The following TIMM44 variants were observed in gnomAD, a reference collection of about 807,000 sequenced individuals.
TIMM44 encodes translocase of inner mitochondrial membrane 44, also known as mitochondrial import inner membrane translocase subunit TIM44.
Under a neutral mutation model 63.8 loss-of-function variants are expected in TIMM44, and 37 were observed. The ratio of observed to expected loss-of-function variants is 0.58; its 90% CI spans 0.45 to 0.76. TIMM44 has a LOEUF of 0.76. Ranked by LOEUF, TIMM44 falls within the 30% of genes least tolerant of loss-of-function variation. The pLI is 0.00. For missense variants in TIMM44, 573 were observed against 603.8 expected, an observed-to-expected ratio of 0.95 and a Z score of 0.54; for synonymous variants, 239 against 245.1, an observed-to-expected ratio of 0.98 and a Z score of 0.23.
chr19:7,928,432 C>A (rs1009326242), intron 10 of TIMM44: 5 of 505,242 alleles, frequency 9.9e-6, no homozygotes, highest in African/African-American at 1.9e-5. Context: ...TCTCTTGGAA[C>A]AAAATCCCAA....
chr19:7,933,905 CGCAAACTCCGTTCTCTTCCGGAG>C lies in TIMM44; in HGVS notation c.619_641del (p.Leu207GlyfsTer3). 1 of 1,614,194 alleles carries C rather than the reference CGCAAACTCCGTTCTCTTCCGGAG, an allele frequency of 6.2e-7. No homozygotes were observed. The highest frequency in any genetic ancestry group is 1.3e-5 in the African/African-American group (1 of 75,052). The stretch of plus-strand genomic sequence containing the variant: ...CTTTCTCCTCCTTGAACTTATCTCC[CGCAAACTCCGTTCTCTTCCGGAG>C]TCGCTGGGGCCTCCGGTAGGGCCCG... On this transcript the variant is annotated frameshift_variant, in exon 6 of 13. Coordinates refer to ENST00000270538, the MANE Select transcript of TIMM44 (RefSeq NM_006351.4). LOFTEE classifies it high-confidence loss of function. The surrounding 1 kb of genome is among the most constrained non-coding windows in gnomAD (Gnocchi z 4.3).
At position 7,932,491 on chromosome 19, in the gene TIMM44, G is replaced by A. The variant is rs543819616; in HGVS notation, c.987+136C>T. 6.5e-3 allele frequency: 8,267 copies of A among 1,280,516 alleles called. 46 individuals carry two copies. Among genetic ancestry groups the A allele is most frequent in the Non-Finnish European group, 7.3e-3 (6,670 of 914,286 alleles). 79.3% of individuals were successfully genotyped at this position (1,280,516 alleles called of 1,614,324 possible). ...GGCAGCTGCAGCCGGGCAGGAGCCC[G>A]TGTGCAACCAGCCTCCTCAGAAAAC... is the stretch of plus-strand genomic sequence containing the variant. On this transcript the variant is annotated intron_variant, in intron 9 of 12. Coordinates refer to ENST00000270538, the MANE Select transcript of TIMM44 (RefSeq NM_006351.4).
rs149334518 is a variant in TIMM44, at chr19:7,928,132, G to C, written c.1073C>G (p.Ala358Gly). The part of the protein sequence containing the change: ...YSQLAHPIQQ[A>G]KALGLQFHSR... The stretch of plus-strand genomic sequence containing the variant: ...ATGGAACTGGAGACCCAGTGCCTTG[G>C]CCTGCTGGATGGGGTGGGCCAGCTG... Residue 358 changes from alanine (A) to glycine (G), a missense_variant, in exon 11 of 13, where the codon GCC becomes GGC. Ala to Gly is a moderately conservative substitution (Grantham distance 60). Coordinates refer to ENST00000270538, the MANE Select transcript of TIMM44 (RefSeq NM_006351.4). 1.9e-6 allele frequency: 3 copies of C among 1,613,870 alleles called. No homozygotes were observed. In the African/African-American group the frequency reaches 4.0e-5, roughly 22 times the overall value.
At position 7,937,967 on chromosome 19, in the gene TIMM44, G is replaced by A. The variant is rs895947340; in HGVS notation, c.312+60C>T. The stretch of plus-strand genomic sequence containing the variant: ...TGGGAGGTGGAGGTTGCAGTGAGCC[G>A]AGATCGCACCACTACTCTCCAGCCT... On this transcript the variant is annotated intron_variant, in intron 3 of 12. Transcript: ENST00000270538. The A allele has an allele frequency of 4.7e-5, 75 of 1,601,616 alleles. No individual in the cohort carries two copies. The Middle Eastern group carries it at 5.0e-4, about 11-fold the overall frequency.
At chr19:7,940,039 C>T (rs1984262213) in intron 2 of TIMM44, among the ~76,000 whole-genome samples, 1 of 152,216 alleles carries the variant, frequency 6.6e-6, no homozygotes, top group South Asian at 2.1e-4. Flanking sequence ...ATCCCCCTCC[C>T]TGGCTCCTGT....
Position 7,933,684 on chromosome 19 carries a change from T to C in TIMM44, c.684-114A>G. ...CAGCAGGCAGCTGAGACCTCAAACC[T>C]AGGGGCTCTGAGGACCCCGCCCTCA... On this transcript the variant is annotated intron_variant, in intron 6 of 12. Transcript: ENST00000270538. This position sits in a 1 kb window ranked among gnomAD's most constrained non-coding sequence, Gnocchi z 4.3. 7.7e-7 allele frequency: 1 copy of C among 1,291,558 alleles called. No individual in the cohort carries two copies. Among genetic ancestry groups the C allele is most frequent in the Non-Finnish European group, 1.1e-6 (1 of 894,286 alleles). 80.0% of individuals were successfully genotyped at this position (1,291,558 alleles called of 1,614,324 possible). A position where few individuals can be genotyped will look rare whatever the true frequency, so the allele number is the denominator to read the frequency against.
At position 7,943,040 on chromosome 19, in the gene TIMM44, CA is replaced by C. The variant is rs546602728; in HGVS notation, c.45+566del. Among the ~76,000 whole-genome samples, 17,827 of 83,906 alleles carry C rather than the reference CA, an allele frequency of 0.21. 1,098 individuals are homozygous for C. Among genetic ancestry groups the C allele is most frequent in the Middle Eastern group, 0.32 (50 of 158 alleles). 55.0% of individuals were successfully genotyped at this position (83,906 alleles called of 152,430 possible). A position where few individuals can be genotyped will look rare whatever the true frequency, so the allele number is the denominator to read the frequency against. Reference sequence around the variant, plus strand: ...GGGCGACAAGAGCGAAACTCTGTCTCAAAAAAAAAAAAAAAAGAGAAAAAAG... The same window carrying C: ...GGGCGACAAGAGCGAAACTCTGTCTCAAAAAAAAAAAAAAAGAGAAAAAAG... On this transcript the variant is annotated intron_variant, in intron 1 of 12. Coordinates refer to ENST00000270538, the MANE Select transcript of TIMM44 (RefSeq NM_006351.4). The surrounding 1 kb of genome is among the most constrained non-coding windows in gnomAD (Gnocchi z 4.3).
chr19:7,926,944 G>T lies in TIMM44; in HGVS notation c.*243C>A. ...TGTGCACCCCAGGTGACCAGGCGCC[G>T]GGACCCCTGCAGGGCAGAGCAACAG... On this transcript the variant is annotated 3_prime_UTR_variant, in exon 13 of 13. Transcript: ENST00000270538. The T allele has an allele frequency of 1.9e-6, 1 of 527,066 alleles. No homozygotes were observed. Among genetic ancestry groups the T allele is most frequent in the Non-Finnish European group, 3.4e-6 (1 of 293,652 alleles). The allele number at this position is 527,066 out of a possible 1,614,324, so 32.6% of individuals were successfully genotyped here.
chr19:7,943,229 T>C lies in TIMM44; in HGVS notation c.45+378A>G, dbSNP rs1032208056. Among the ~76,000 whole-genome samples, 1 of 152,102 alleles carries C rather than the reference T, an allele frequency of 6.6e-6. No individual in the cohort carries two copies. The highest frequency in any genetic ancestry group is 2.4e-5 in the African/African-American group (1 of 41,426). ...GAAACGAGACAAGAAATGCTCTCGG[T>C]AGAGAACTTGGCATTTAACCGCGAG... On this transcript the variant is annotated intron_variant, in intron 1 of 12. Transcript: ENST00000270538. The surrounding 1 kb of genome is among the most constrained non-coding windows in gnomAD (Gnocchi z 4.3).
intron 11 of TIMM44, 90 bp from the exon 12 acceptor site, chr19:7,927,857 GAGA>G: frequency 7.2e-7 from 1 of 1,379,324 alleles, no homozygotes; most frequent in Non-Finnish European, 1.0e-6. Context: ...GCCCTGCTAG[GAGA>G]AGGCTCCAGC....
rs1181565292 is a variant in TIMM44, at chr19:7,931,154, T to C, written c.1022A>G (p.Asp341Gly). 1.9e-6 allele frequency: 3 copies of C among 1,611,982 alleles called. No individual in the cohort carries two copies. Among genetic ancestry groups the C allele is most frequent in the Middle Eastern group, 3.3e-4 (2 of 6,050 alleles). The change falls in exon 10 of 13, where the codon GAC (aspartate) becomes GGC (glycine). Residue 341 changes from aspartate (D) to glycine (G), a missense_variant. Coordinates refer to ENST00000270538, the MANE Select transcript of TIMM44 (RefSeq NM_006351.4). ...AGTACTCACAGCTTCATAGCACCAG[T>C]CTTTGAGAATGTCAAGCTCTCCAGA... Reference protein sequence around the residue: ...MISGELDILKDWCYEATYSQL... With the variant: ...MISGELDILKGWCYEATYSQL...
intron 10 of TIMM44, 106 bp from the exon 11 acceptor site, chr19:7,928,272 C>T: frequency 2.1e-6 from 2 of 958,016 alleles, no homozygotes; most frequent in Non-Finnish European, 3.2e-6. Context: ...CTGCCGCCAG[C>T]CAGCAATGGC....
rs757164029 is a variant in TIMM44, at chr19:7,934,133, C to G, written c.499G>C (p.Gly167Arg). The G allele has an allele frequency of 3.1e-6, 5 of 1,613,532 alleles. No individual in the cohort carries two copies. Among genetic ancestry groups the G allele is most frequent in the East Asian group, 2.2e-5 (1 of 44,872 alleles). Residue 167 changes from glycine to arginine, a missense_variant, in exon 5 of 13, where the codon GGG becomes CGG. Physicochemically the swap from Gly to Arg is moderately radical, Grantham distance 125. Transcript: ENST00000270538. This position sits in a 1 kb window ranked among gnomAD's most constrained non-coding sequence, Gnocchi z 5.3. ...KQSAESVSKG[G>R]EKLGRTAAFR... ...GCCGCTGTCCTGCCCAGCTTCTCCC[C>G]GCCTTTGGATACCGACTCGGCCGAC...
At chr19:7,927,939 C>T in intron 11 of TIMM44, 138 bp downstream of exon 11, 1 of 1,111,234 alleles carries the variant, frequency 9.0e-7, no homozygotes, top group Non-Finnish European at 1.3e-6. Context: ...TCCCTCGAGA[C>T]CCTCCCCTTG....
chr19:7,932,753 T>C lies in TIMM44; in HGVS notation c.863-2A>G. On this transcript the variant is annotated splice_acceptor_variant, in intron 8 of 12. Transcript: ENST00000270538. LOFTEE classifies it high-confidence loss of function. Reference sequence around the variant, plus strand: ...TCTCTGTCTTGGAGAACAGGCCCCCTGCAGGGAGCAGAGCCGGGAGTTCGG... The same window carrying C: ...TCTCTGTCTTGGAGAACAGGCCCCCCGCAGGGAGCAGAGCCGGGAGTTCGG... 6.2e-7 allele frequency: 1 copy of C among 1,614,038 alleles called. No individual in the cohort carries two copies. The highest frequency in any genetic ancestry group is 8.5e-7 in the Non-Finnish European group (1 of 1,179,966).
rs568666423 is a variant in TIMM44 at position 7,931,067 on chromosome 19, G to A, written c.1038+71C>T. The A allele has an allele frequency of 2.5e-3, 3,750 of 1,485,314 alleles. 10 individuals carry two copies. The highest frequency in any genetic ancestry group is 6.0e-3 in the Middle Eastern group (35 of 5,786). The allele number at this position is 1,485,314 out of a possible 1,614,324, so 92.0% of individuals were successfully genotyped here. A position where few individuals can be genotyped will look rare whatever the true frequency, so the allele number is the denominator to read the frequency against. ...TGGGAGCTACCCCAACGGAGCCACC[G>A]AAGTGGAACTTCTCCATGGTGATTT... On this transcript the variant is annotated intron_variant, in intron 10 of 12. Transcript: ENST00000270538.
In TIMM44 at chr19:7,935,167, C is replaced by CTTTTTT. The variant is rs753419157; in HGVS notation, c.313-28_313-23dup. On this transcript the variant is annotated intron_variant, in intron 3 of 12. Transcript: ENST00000270538. Reference sequence around the variant, plus strand: ...TTTTCTAGGTAAAGAGCGCTGTGTCCTTTTTTTTTTTTTTTTTTTTGAGAC... The same window carrying CTTTTTT: ...TTTTCTAGGTAAAGAGCGCTGTGTCCTTTTTTTTTTTTTTTTTTTTTTTTTTGAGAC... 48 of 1,254,208 alleles carry CTTTTTT rather than the reference C, an allele frequency of 3.8e-5. 2 individuals carry two copies. The highest frequency in any genetic ancestry group is 7.0e-5 in the African/African-American group (4 of 56,924). 77.7% of individuals were successfully genotyped at this position (1,254,208 alleles called of 1,614,324 possible).
In TIMM44 at chr19:7,927,006, G is replaced by GCCGCGCAC. The variant is rs1162468314; in HGVS notation, c.*173_*180dup. The GCCGCGCAC allele has an allele frequency of 5.9e-6, 5 of 848,664 alleles. No individual in the cohort carries two copies. The highest frequency in any genetic ancestry group is 5.0e-5 in the African/African-American group (3 of 59,708). The allele number at this position is 848,664 out of a possible 1,614,324, so 52.6% of individuals were successfully genotyped here. On this transcript the variant is annotated 3_prime_UTR_variant, in exon 13 of 13. Coordinates refer to ENST00000270538, the MANE Select transcript of TIMM44 (RefSeq NM_006351.4). The stretch of plus-strand genomic sequence containing the variant: ...GCCCTGCGGGGGAGTGTCTCCAGCT[G>GCCGCGCAC]CCGCGCACCCGCAACAGCCCGTTGT...
intron 3 of TIMM44, 114 bp from the exon 4 acceptor site, chr19:7,935,259 A>T: frequency 3.1e-6 from 3 of 972,476 alleles, no homozygotes. Context: ...TCCTCCTGCC[A>T]GATTCAAGCG....
Sources: allele counts gnomAD v4.1 joint callset (sites outside exome capture counted in the v4.1 genomes callset), GRCh38; gene constraint gnomAD v4.1.1; non-coding constraint Gnocchi (gnomAD v3.1); transcripts MANE v1.5; gene names NCBI Gene and HGNC (gene_info 2026-07-23, HGNC 2026-07-21).